ARMCX4: variants seen among roughly 807,000 people sequenced by gnomAD.
The protein encoded by ARMCX4 is armadillo repeat containing X-linked 4.
ARMCX4 carries 3 observed loss-of-function variants against 34.7 expected under a neutral mutation model. The observed-to-expected ratio is 0.09, with a 90% CI of 0.04 to 0.22. The LOEUF (loss-of-function observed/expected upper bound fraction) is 0.22, where lower values mean the gene tolerates loss of function less well. ARMCX4 is among the 10% of genes least tolerant of loss of function. The probability of loss-of-function intolerance (pLI) is 1.00; values close to 1 mark genes in which losing one functional copy is unlikely to be tolerated. For missense variants in ARMCX4, 1,448 were observed against 1,720.8 expected (o/e 0.84, Z 2.81); for synonymous variants, 513 against 632.8 (o/e 0.81, Z 2.84).
chrX:101,443,694 T>G (rs1934527159), intron 2 of ARMCX4: 1 of 230,699 alleles, frequency 4.3e-6, no homozygotes, highest in African/African-American at 2.9e-5. Context: ...ATTAGAGTTA[T>G]CTACAGTCCG....
Position 101,433,302 on chromosome X carries a change from C to A in ARMCX4, n.165-10750C>A, listed in dbSNP as rs1258891831. ...TACGTACACATATACATATATGTACCTATATGTACATATATACTTACATAT... is the reference window on the plus strand; with the variant it reads ...TACGTACACATATACATATATGTACATATATGTACATATATACTTACATAT... On this transcript the variant is annotated intron_variant and non_coding_transcript_variant, in intron 2 of 3. Coordinates refer to the ARMCX4 transcript ENST00000430461. Among the ~76,000 whole-genome samples the A allele has an allele frequency of 3.9e-5, 4 of 103,167 alleles. No homozygotes were observed. In the South Asian group the frequency reaches 1.7e-3, roughly 43 times the overall value. 89.6% of individuals were successfully genotyped at this position (103,167 alleles called of 115,157 possible).
chrX:101,495,324 G>C lies in ARMCX4; in HGVS notation c.6735G>C (p.Gln2245His). 3.5e-6 allele frequency: 4 copies of C among 1,151,012 alleles called. No homozygotes were observed. The highest frequency in any genetic ancestry group is 4.6e-6 in the Non-Finnish European group (4 of 869,088). The allele number at this position is 1,151,012 out of a possible 1,213,427, so 94.9% of individuals were successfully genotyped here. The change falls in exon 6 of 6, where the codon CAG becomes CAC. Residue 2245 changes from glutamine to histidine, a missense_variant. Physicochemically the swap from Gln to His is conservative, Grantham distance 24 (BLOSUM62 0). Around this residue, in one of 2 missense-constraint regions of ARMCX4, gnomAD observed 105 missense variants for 180.2 expected, o/e 0.58. Transcript: ENST00000423738. ...AAAGAAGAGCAAAAGCATTTACCCA[G>C]GACAAATTCAGTAAAAATTCCCTTT... Reference protein sequence around the residue: ...HFKRRAKAFTQDKFSKNSLYF... With the variant: ...HFKRRAKAFTHDKFSKNSLYF...
intron 2 of ARMCX4, among the ~76,000 whole-genome samples, chrX:101,434,339 C>T (rs933842202): frequency 2.0e-4 from 22 of 108,542 alleles, no homozygotes; most frequent in African/African-American, 5.0e-4. Context: ...TTGCAACCTC[C>T]GCCGCCCAAG....
At chrX:101,419,619 A>G (rs1194384296) in intron 2 of ARMCX4, among the ~76,000 whole-genome samples, 1 of 111,740 alleles carries the variant, frequency 8.9e-6, no homozygotes, top group East Asian at 2.8e-4. Context: ...CAAACTTTGG[A>G]CAGGCTCCTC....
intron 11 of ARMCX4, among the ~76,000 whole-genome samples, chrX:101,525,898 G>A (rs782131362): frequency 8.9e-6 from 1 of 111,874 alleles, no homozygotes; most frequent in Non-Finnish European, 1.9e-5. Context: ...AACCAAGTTC[G>A]AAAACACTCT....
chrX:101,477,790 A>T (rs2147642066), intron 4 of ARMCX4, among the ~76,000 whole-genome samples: 1 of 111,985 alleles, frequency 8.9e-6, no homozygotes, highest in Admixed American at 9.5e-5. Flanking sequence ...TTATTAAAAA[A>T]AATTGTCACT....
chrX:101,502,999 T>C (rs1241419528), intron 7 of ARMCX4, among the ~76,000 whole-genome samples: 1 of 94,403 alleles, frequency 1.1e-5, no homozygotes, highest in Non-Finnish European at 2.1e-5. Context: ...TGTGTTCTCA[T>C]TGTTCAATTC....
At chrX:101,436,508 T>C (rs1310290088) in intron 2 of ARMCX4, among the ~76,000 whole-genome samples, 1 of 111,650 alleles carries the variant, frequency 9.0e-6, no homozygotes, top group Non-Finnish European at 1.9e-5. Flanking sequence ...TCCTGAGACT[T>C]TGCTGAAGTT....
In ARMCX4 at chrX:101,432,646, C is replaced by T. The variant is rs782295498; in HGVS notation, n.165-11406C>T. 2.0e-3 allele frequency among the ~76,000 whole-genome samples: 214 copies of T among 107,231 alleles called. 1 individual carries two copies. Among genetic ancestry groups the T allele is most frequent in the African/African-American group, 6.7e-3 (197 of 29,431 alleles). The allele number at this position is 107,231 out of a possible 115,157, so 93.1% of individuals were successfully genotyped here. ...CCTGCACTCCAGCCTGGCAACAGAG[C>T]GAGATTCTGTCTCAAAAAAAACCCC... On this transcript the variant is annotated intron_variant and non_coding_transcript_variant, in intron 2 of 3. Transcript: ENST00000430461.
At chrX:101,438,871 T>G (rs1318281277) in intron 2 of ARMCX4, among the ~76,000 whole-genome samples, 20 of 111,374 alleles carry the variant, frequency 1.8e-4, no homozygotes, top group Non-Finnish European at 2.6e-4. Context: ...TGTCTCTGCA[T>G]GTGAGATGGG....
intron 7 of ARMCX4, among the ~76,000 whole-genome samples, chrX:101,502,393 C>A (rs1934320642): frequency 8.9e-6 from 1 of 112,187 alleles, no homozygotes; most frequent in Non-Finnish European, 1.9e-5. Context: ...CACACACCAT[C>A]ATACCTCGCT....
chrX:101,489,708 G>A lies in ARMCX4; in HGVS notation c.1119G>A (p.Thr373=), dbSNP rs781807867. Residue 373 remains threonine, a synonymous_variant, in exon 6 of 6, where the codon ACG becomes ACA. Transcript: ENST00000423738. The stretch of plus-strand genomic sequence containing the variant: ...TGGCCAAGAAACAGGCTGAGGTGAC[G>A]TCTGGTGCCAGGGTTGATGGTAGGG... The part of the protein sequence containing the change: ...QTVAKKQAEV[T]SGARVDGRGN... The A allele has an allele frequency of 4.3e-6, 5 of 1,152,643 alleles. No individual in the cohort carries two copies. The highest frequency in any genetic ancestry group is 2.6e-5 in the Admixed American group (1 of 38,432). The allele number at this position is 1,152,643 out of a possible 1,213,427, so 95.0% of individuals were successfully genotyped here.
In ARMCX4 at chrX:101,491,126, A is replaced by G. The variant is rs1556008929; in HGVS notation, c.2537A>G (p.Asn846Ser). Reference sequence around the variant, plus strand: ...GGTGAAGTCTTGCCTGGTGCCAAGAATAAGGTCAAGGGCAATCCCAATGTC... The same window carrying G: ...GGTGAAGTCTTGCCTGGTGCCAAGAGTAAGGTCAAGGGCAATCCCAATGTC... ...SQGEVLPGAK[N>S]KVKGNPNVVS... Residue 846 changes from asparagine (N) to serine (S), a missense_variant, in exon 6 of 6, where the codon AAT becomes AGT. Transcript: ENST00000423738. 9.5e-6 allele frequency: 11 copies of G among 1,155,632 alleles called. No homozygotes were observed. The highest frequency in any genetic ancestry group is 1.0e-5 in the Non-Finnish European group (9 of 872,974).
upstream of ARMCX4, among the ~76,000 whole-genome samples, chrX:101,483,404 G>T (rs781922418): frequency 5.4e-5 from 6 of 111,714 alleles, no homozygotes; most frequent in Admixed American, 1.9e-4. Flanking sequence ...GCCTCCAACA[G>T]AGTAGAGGAG....
intron 7 of ARMCX4, among the ~76,000 whole-genome samples, chrX:101,504,362 A>G (rs965687721): frequency 2.7e-5 from 3 of 111,249 alleles, no homozygotes; most frequent in African/African-American, 6.6e-5. Flanking sequence ...CATTGAATCT[A>G]TAAATTACCT....
chrX:101,535,762 T>TAAA (rs1935208046), downstream of ARMCX4, among the ~76,000 whole-genome samples: 1 of 111,833 alleles, frequency 8.9e-6, no homozygotes, highest in African/African-American at 3.2e-5. Flanking sequence ...TTACTAAGAT[T>TAAA]AAAAAACTTT....
rs1050191208 is a variant in ARMCX4, at chrX:101,423,205, C to T, written n.164+4205C>T. 1.5e-4 allele frequency among the ~76,000 whole-genome samples: 17 copies of T among 110,918 alleles called. 1 individual carries two copies. The Admixed American group carries it at 1.6e-3, about 11-fold the overall frequency. On this transcript the variant is annotated intron_variant and non_coding_transcript_variant, in intron 2 of 3. Coordinates refer to the ARMCX4 transcript ENST00000430461. ...GATTACAGGCGTGAGCCACCATGCC[C>T]ATGGGGCAATTAAATTTTAACATGA... is the stretch of plus-strand genomic sequence containing the variant.
downstream of ARMCX4, among the ~76,000 whole-genome samples, chrX:101,499,646 C>T (rs973694765): frequency 8.9e-5 from 10 of 111,788 alleles, no homozygotes; most frequent in Admixed American, 1.9e-4. Flanking sequence ...AGAAGTTAGG[C>T]GGATGTAAAT....
At chrX:101,420,483 G>A (rs1555989852) in intron 2 of ARMCX4, among the ~76,000 whole-genome samples, 1 of 112,225 alleles carries the variant, frequency 8.9e-6, no homozygotes, top group African/African-American at 3.2e-5. Flanking sequence ...GTACAGTGGG[G>A]AGCCAAGTAG....
Sources: gnomAD v4.1 joint callset for allele counts (sites outside exome capture counted in the v4.1 genomes callset) on GRCh38, gnomAD v4.1.1 for gene constraint, gnomAD v4.1.1 regional missense constraint, MANE v1.5 for transcripts, NCBI Gene and HGNC (gene_info 2026-07-23, HGNC 2026-07-21) for gene names.